FHIT: variants seen among roughly 807,000 people sequenced by gnomAD.
FHIT encodes bis(5'-adenosyl)-triphosphatase.
Under a neutral mutation model 17.9 loss-of-function variants are expected in FHIT, and 19 were observed. That is an observed-to-expected ratio of 1.06 (90% CI 0.74 to 1.56). The LOEUF (loss-of-function observed/expected upper bound fraction) is 1.56, where lower values mean the gene tolerates loss of function less well. FHIT is among the 40% of genes most tolerant of loss of function. The pLI is 0.00. For synonymous variants in FHIT, 81 were observed against 69.7 expected (o/e 1.16, Z -0.81); for missense variants, 248 against 189.2 (o/e 1.31, Z -1.82).
intron 5 of FHIT, among the ~76,000 whole-genome samples, chr3:60,275,705 AAAG>A (rs2107636062): frequency 6.6e-6 from 1 of 152,310 alleles, no homozygotes; most frequent in African/African-American, 2.4e-5. Context: ...CATACTTAGG[AAAG>A]AAGATTTTGT....
At chr3:59,836,543 G>A (rs1397066308) in intron 8 of FHIT, among the ~76,000 whole-genome samples, 1 of 152,114 alleles carries the variant, frequency 6.6e-6, no homozygotes, top group East Asian at 1.9e-4. Flanking sequence ...TTGGCCCTGC[G>A]GTTTGCCTTC....
At chr3:59,985,902 T>C (rs1282966015) in intron 7 of FHIT, among the ~76,000 whole-genome samples, 1 of 151,800 alleles carries the variant, frequency 6.6e-6, no homozygotes, top group Non-Finnish European at 1.5e-5. Flanking sequence ...TTAGGATACA[T>C]TTATAGAGCC....
chr3:60,729,431 G>A (rs2041983335), intron 4 of FHIT, among the ~76,000 whole-genome samples: 1 of 152,140 alleles, frequency 6.6e-6, no homozygotes, highest in Non-Finnish European at 1.5e-5. Flanking sequence ...GAGTCCTAAG[G>A]TACAATGTAA....
chr3:60,978,168 C>G (rs1170781165), intron 3 of FHIT, among the ~76,000 whole-genome samples: 1 of 152,156 alleles, frequency 6.6e-6, no homozygotes, highest in Admixed American at 6.5e-5. Flanking sequence ...TGAGCCAGGT[C>G]CTTAAAGAAC....
At chr3:60,845,156 C>T (rs1702880398) in intron 3 of FHIT, among the ~76,000 whole-genome samples, 1 of 152,000 alleles carries the variant, frequency 6.6e-6, no homozygotes, top group East Asian at 1.9e-4. Context: ...ATATTAAGGG[C>T]AAATTTTGTA....
At chr3:60,852,479 T>C (rs1703192087) in intron 3 of FHIT, among the ~76,000 whole-genome samples, 1 of 152,104 alleles carries the variant, frequency 6.6e-6, no homozygotes, top group Admixed American at 6.6e-5. Context: ...AATGCAAGTA[T>C]TAAACCCAAA....
At chr3:61,035,370 A>G (rs79028466) in intron 3 of FHIT, among the ~76,000 whole-genome samples, 4,190 of 152,256 alleles carry the variant, frequency 0.028, 122 homozygotes, top group African/African-American at 0.074. Flanking sequence ...TGTAAAATAC[A>G]TTTTACATTA....
At chr3:60,109,866 T>C (rs1704594358) in intron 5 of FHIT, among the ~76,000 whole-genome samples, 2 of 152,264 alleles carry the variant, frequency 1.3e-5, no homozygotes, top group African/African-American at 2.4e-5. Context: ...ATTAAACCAA[T>C]GATGTATTTC....
chr3:60,171,081 A>G (rs1368430768), intron 5 of FHIT, among the ~76,000 whole-genome samples: 2 of 152,194 alleles, frequency 1.3e-5, no homozygotes, highest in Non-Finnish European at 2.9e-5. Context: ...AAGACCCTCC[A>G]TTTCCTATTA....
intron 5 of FHIT, among the ~76,000 whole-genome samples, chr3:60,395,829 A>C (rs1278281290): frequency 6.6e-6 from 1 of 152,176 alleles, no homozygotes. Flanking sequence ...TTTACAATAG[A>C]ATTTTGCAAT....
intron 8 of FHIT, among the ~76,000 whole-genome samples, chr3:59,810,389 G>A (rs953453215): frequency 1.3e-5 from 2 of 152,162 alleles, no homozygotes; most frequent in East Asian, 3.9e-4. Context: ...TGAAATGTCT[G>A]CAAGGGCAGC....
At chr3:59,860,361 A>G (rs1559672026) in intron 8 of FHIT, among the ~76,000 whole-genome samples, 1 of 152,206 alleles carries the variant, frequency 6.6e-6, no homozygotes, top group Non-Finnish European at 1.5e-5. Flanking sequence ...CCAGGTATGC[A>G]AGGAGAAAAA....
chr3:61,063,331 T>C (rs375679831), intron 2 of FHIT, among the ~76,000 whole-genome samples: 2 of 151,948 alleles, frequency 1.3e-5, no homozygotes, highest in African/African-American at 4.8e-5. Context: ...GTTCCATTAT[T>C]ATTTAATTCT....
intron 4 of FHIT, among the ~76,000 whole-genome samples, chr3:60,752,268 GCATAC>G (rs1341849507): frequency 2.0e-5 from 3 of 152,182 alleles, no homozygotes; most frequent in Non-Finnish European, 4.4e-5. Context: ...CAAAAAGAAA[GCATAC>G]TTCAGGAAGA....
chr3:60,768,780 C>T (rs1699937169), intron 4 of FHIT, among the ~76,000 whole-genome samples: 1 of 152,150 alleles, frequency 6.6e-6, no homozygotes, highest in Non-Finnish European at 1.5e-5. Context: ...TCAGAGAATG[C>T]CAGATTGCTC....
intron 7 of FHIT, among the ~76,000 whole-genome samples, chr3:59,948,642 G>C (rs1231210970): frequency 1.3e-5 from 2 of 152,060 alleles, no homozygotes; most frequent in Admixed American, 6.6e-5. Flanking sequence ...CCAGCATCTG[G>C]TGCTGTCATT....
intron 3 of FHIT, among the ~76,000 whole-genome samples, chr3:60,839,972 CT>C (rs1702665742): frequency 6.6e-6 from 1 of 151,994 alleles, no homozygotes; most frequent in Non-Finnish European, 1.5e-5. Flanking sequence ...TGCATGCCAC[CT>C]TCATGCTGCC....
intron 4 of FHIT, among the ~76,000 whole-genome samples, chr3:60,582,146 T>C (rs1054627239): frequency 6.6e-6 from 1 of 152,060 alleles, no homozygotes; most frequent in Non-Finnish European, 1.5e-5. Context: ...CTAGATCCCC[T>C]AGAGATTCTG....
chr3:60,038,800 G>A (rs1182030499), intron 5 of FHIT, among the ~76,000 whole-genome samples: 3 of 152,156 alleles, frequency 2.0e-5, no homozygotes, highest in Non-Finnish European at 4.4e-5. Flanking sequence ...GCGAAACAAA[G>A]ATCACAAAGC....
Sources: gnomAD v4.1 joint callset for allele counts (sites outside exome capture counted in the v4.1 genomes callset) on GRCh38, gnomAD v4.1.1 for gene constraint, MANE v1.5 for transcripts, NCBI Gene and HGNC (gene_info 2026-07-23, HGNC 2026-07-21) for gene names.